RPS6KC1: variants seen among roughly 807,000 people sequenced by gnomAD.
RPS6KC1 encodes the protein ribosomal protein S6 kinase C1, also known as inactive ribosomal protein S6 kinase delta-1.
Under a neutral mutation model 103.8 loss-of-function variants are expected in RPS6KC1, and 54 were observed. The ratio of observed to expected loss-of-function variants is 0.52; its 90% CI spans 0.42 to 0.65. The LOEUF is 0.65. RPS6KC1 is among the 30% of genes least tolerant of loss of function. RPS6KC1 has a pLI of 0.00. For synonymous variants in RPS6KC1, 439 were observed against 438.7 expected (o/e 1.00, Z -0.01); for missense variants, 1,151 against 1,253.8 (o/e 0.92, Z 1.24).
the RPS6KC1 span, among the ~76,000 whole-genome samples, chr1:213,420,692 C>A: frequency 6.6e-6 from 1 of 152,294 alleles, no homozygotes; most frequent in Admixed American, 6.5e-5. Flanking sequence ...TCACAGAAGG[C>A]TCCCCCTCAA....
the RPS6KC1 span, among the ~76,000 whole-genome samples, chr1:213,495,479 G>A: frequency 1.3e-5 from 2 of 152,104 alleles, no homozygotes; most frequent in Admixed American, 1.3e-4. Flanking sequence ...ATGCCACCAT[G>A]GCTGGCTAAT....
chr1:213,428,903 TC>T, the RPS6KC1 span: 1 of 156,608 alleles, frequency 6.4e-6, no homozygotes, highest in Admixed American at 6.4e-5. Context: ...CATCTGGAAT[TC>T]CCATCTCTTT....
chr1:213,665,935 T>C, the RPS6KC1 span, among the ~76,000 whole-genome samples: 2 of 152,230 alleles, frequency 1.3e-5, no homozygotes. Flanking sequence ...TTTAAAAAAC[T>C]ACACTGTAAA....
At chr1:213,440,286 A>C in the RPS6KC1 span, among the ~76,000 whole-genome samples, 2 of 152,202 alleles carry the variant, frequency 1.3e-5, no homozygotes, top group African/African-American at 4.8e-5. Flanking sequence ...GCTCAGGGCT[A>C]AGTCCAGAAG....
At chr1:213,629,118 G>A in the RPS6KC1 span, among the ~76,000 whole-genome samples, 1 of 152,174 alleles carries the variant, frequency 6.6e-6, no homozygotes, top group South Asian at 2.1e-4. Context: ...GCAGAGCTGA[G>A]TTCAATTCCT....
intron 4 of RPS6KC1, among the ~76,000 whole-genome samples, chr1:213,113,858 T>A (rs2083290352): frequency 6.6e-6 from 1 of 152,078 alleles, no homozygotes; most frequent in Non-Finnish European, 1.5e-5. Context: ...TTGTCAAAGA[T>A]CAGATAGTTG....
chr1:213,704,117 G>A, the RPS6KC1 span, among the ~76,000 whole-genome samples: 1 of 152,096 alleles, frequency 6.6e-6, no homozygotes, highest in Non-Finnish European at 1.5e-5. Context: ...GCCGGGCGCG[G>A]TGGCTCACGC....
intron 3 of RPS6KC1, among the ~76,000 whole-genome samples, chr1:213,103,597 T>C (rs1369226898): frequency 1.3e-5 from 2 of 152,216 alleles, no homozygotes; most frequent in African/African-American, 4.8e-5. Flanking sequence ...TTGCCAGTCA[T>C]ATAGGCACTT....
the RPS6KC1 span, among the ~76,000 whole-genome samples, chr1:213,439,267 T>A: frequency 2.6e-5 from 4 of 152,144 alleles, no homozygotes; most frequent in Non-Finnish European, 5.9e-5. Context: ...TCAATGTGTG[T>A]TTCTCATTTC....
At chr1:213,114,363 T>TCA (rs1230476401) in intron 4 of RPS6KC1, among the ~76,000 whole-genome samples, 1 of 67,940 alleles carries the variant, frequency 1.5e-5, no homozygotes, top group African/African-American at 9.8e-5. Flanking sequence ...TCTCTGTCTG[T>TCA]TGTTGGTGTA....
chr1:213,263,937 T>TGTGGG (rs1451553969), intron 14 of RPS6KC1, among the ~76,000 whole-genome samples: 19 of 151,912 alleles, frequency 1.3e-4, no homozygotes, highest in African/African-American at 4.6e-4. Context: ...ATGGCAAGGA[T>TGTGGG]GTGGGGAGAA....
chr1:213,603,542 G>A, the RPS6KC1 span, among the ~76,000 whole-genome samples: 1 of 151,848 alleles, frequency 6.6e-6, no homozygotes, highest in Non-Finnish European at 1.5e-5. Flanking sequence ...TCCTATCTTC[G>A]AATGATTGAT....
intron 8 of RPS6KC1, among the ~76,000 whole-genome samples, chr1:213,208,999 C>T (rs960101739): frequency 6.6e-6 from 1 of 151,922 alleles, no homozygotes; most frequent in African/African-American, 2.4e-5. Context: ...TCTTTGTGAT[C>T]TAGTCCTTCC....
At chr1:213,517,527 A>G in the RPS6KC1 span, among the ~76,000 whole-genome samples, 1 of 152,210 alleles carries the variant, frequency 6.6e-6, no homozygotes, top group African/African-American at 2.4e-5. Flanking sequence ...CTTTCCATGT[A>G]GTTGAGCAGT....
the RPS6KC1 span, among the ~76,000 whole-genome samples, chr1:213,360,625 G>A: frequency 6.6e-6 from 1 of 152,220 alleles, no homozygotes; most frequent in Non-Finnish European, 1.5e-5. Flanking sequence ...TGGAGGAGGA[G>A]AAGCGCTCTG....
the RPS6KC1 span, among the ~76,000 whole-genome samples, chr1:213,310,140 C>T: frequency 6.6e-6 from 1 of 152,178 alleles, no homozygotes; most frequent in Non-Finnish European, 1.5e-5. Context: ...AGTGGCTTTC[C>T]AATTGGTTTC....
chr1:213,658,017 A>T, the RPS6KC1 span, among the ~76,000 whole-genome samples: 1 of 152,206 alleles, frequency 6.6e-6, no homozygotes, highest in Admixed American at 6.5e-5. Flanking sequence ...TGCAGGAAAT[A>T]GAGGCTCCGG....
intron 14 of RPS6KC1, among the ~76,000 whole-genome samples, chr1:213,267,409 C>T (rs940820185): frequency 2.0e-4 from 30 of 152,064 alleles, no homozygotes; most frequent in East Asian, 1.9e-4. Context: ...AACAAACAAT[C>T]CAACAGCAAT....
the RPS6KC1 span, among the ~76,000 whole-genome samples, chr1:213,419,221 C>G: frequency 6.6e-6 from 1 of 152,216 alleles, no homozygotes; most frequent in Admixed American, 6.5e-5. Context: ...TAGAGGTGCT[C>G]CAGAGTGCTC....
Sources: gnomAD v4.1 joint callset for allele counts (sites outside exome capture counted in the v4.1 genomes callset) on GRCh38, gnomAD v4.1.1 for gene constraint, MANE v1.5 for transcripts, NCBI Gene and HGNC (gene_info 2026-07-23, HGNC 2026-07-21) for gene names.